GRIP2: variants seen among roughly 807,000 people sequenced by gnomAD.
The protein encoded by GRIP2 is glutamate receptor-interacting protein 2.
Under a neutral mutation model 108.3 loss-of-function variants are expected in GRIP2, and 58 were observed. The ratio of observed to expected loss-of-function variants is 0.54; its 90% CI spans 0.43 to 0.67. The LOEUF is 0.67. GRIP2 is among the 30% of genes least tolerant of loss of function. The pLI is 0.00. For synonymous variants in GRIP2, 586 were observed against 598.2 expected (o/e 0.98, Z 0.30); for missense variants, 1,278 against 1,430.6 (o/e 0.89, Z 1.72).
chr3:14,521,389 T>C lies in GRIP2; in HGVS notation c.712+253A>G. 2.1e-6 allele frequency: 1 copy of C among 481,242 alleles called. No homozygotes were observed. The highest frequency in any genetic ancestry group is 3.6e-6 in the Non-Finnish European group (1 of 274,802). 29.8% of individuals were successfully genotyped at this position (481,242 alleles called of 1,614,324 possible). A position where few individuals can be genotyped will look rare whatever the true frequency, so the allele number is the denominator to read the frequency against. ...GACATACACCATATCTTATCTATTC[T>C]GGATACTGTCCTCTCTCCACCAGAA... is the stretch of plus-strand genomic sequence containing the variant. On this transcript the variant is annotated intron_variant, in intron 7 of 23. Transcript: ENST00000621039. The surrounding 1 kb of genome is among the most constrained non-coding windows in gnomAD (Gnocchi z 5.1).
At chr3:14,557,269 A>G (rs563928911), upstream of GRIP2, among the ~76,000 whole-genome samples, 183 of 152,382 alleles carry the variant, frequency 1.2e-3, no homozygotes, top group African/African-American at 4.3e-3. Context: ...TGAATTACAC[A>G]GCGAGGAAGT....
At position 14,506,489 on chromosome 3, in the gene GRIP2, T is replaced by C. The variant is rs371778272; in HGVS notation, c.2398+312A>G. On this transcript the variant is annotated intron_variant, in intron 19 of 23. Transcript: ENST00000621039. ...ACCTACTGTGTGCCAGACATTGGGC[T>C]AGGAAGGAAGGCTACAGTAGAAGAA... 3.3e-5 allele frequency among the ~76,000 whole-genome samples: 5 copies of C among 152,174 alleles called. No individual in the cohort carries two copies. In the East Asian group the frequency reaches 9.7e-4, roughly 29 times the overall value.
chr3:14,517,494 CTTTTTTTTTT>C (rs146509076), intron 10 of GRIP2, among the ~76,000 whole-genome samples: 5 of 107,754 alleles, frequency 4.6e-5, no homozygotes, highest in Non-Finnish European at 9.0e-5. Flanking sequence ...ATCTCTCTCT[CTTTTTTTTTT>C]TTTTTTTTTT....
the GRIP2 span, among the ~76,000 whole-genome samples, chr3:14,593,938 C>A: frequency 2.6e-5 from 4 of 152,368 alleles, no homozygotes; most frequent in East Asian, 5.8e-4. Context: ...ATTTGCATGA[C>A]CCTGATGGTG....
Position 14,505,104 on chromosome 3 carries a change from G to T in GRIP2, c.2573+511C>A, listed in dbSNP as rs924424078. On this transcript the variant is annotated intron_variant, in intron 20 of 23. Coordinates refer to ENST00000621039, the MANE Select transcript of GRIP2 (RefSeq NM_001080423.4). The surrounding 1 kb of genome is among the most constrained non-coding windows in gnomAD (Gnocchi z 4.2). ...TTTGCCAGGAGAGACCAGGGGAAAG[G>T]CATCGAGGCAGAAGGAACCGCCTGA... Among the ~76,000 whole-genome samples, 1 of 152,156 alleles carries T rather than the reference G, an allele frequency of 6.6e-6. No individual in the cohort carries two copies. Among genetic ancestry groups the T allele is most frequent in the African/African-American group, 2.4e-5 (1 of 41,444 alleles).
rs989271724 is a variant in GRIP2, at chr3:14,489,866, C to A, written c.*3799G>T. 3 of 152,086 alleles carry A rather than the reference C, an allele frequency of 2.0e-5. No homozygotes were observed. The highest frequency in any genetic ancestry group is 2.9e-5 in the Non-Finnish European group (2 of 68,036). The allele number at this position is 152,086 out of a possible 1,614,324, so 9.4% of individuals were successfully genotyped here. ...CAAACCTGATTGCCCTTCTCCCACT[C>A]CCCCACCGTCAGGTGCAGGCGCTCA... On this transcript the variant is annotated 3_prime_UTR_variant, in exon 24 of 24. Coordinates refer to ENST00000621039, the MANE Select transcript of GRIP2 (RefSeq NM_001080423.4).
the GRIP2 span, chr3:14,573,125 C>T: frequency 7.0e-7 from 1 of 1,434,522 alleles, no homozygotes; most frequent in Non-Finnish European, 9.8e-7. Flanking sequence ...CGATCCAGGG[C>T]AGCAGCCCAA....
intron 23 of GRIP2, among the ~76,000 whole-genome samples, chr3:14,494,054 A>G (rs1353999724): frequency 6.6e-6 from 1 of 152,222 alleles, no homozygotes; most frequent in Non-Finnish European, 1.5e-5. Context: ...TATACCTTTC[A>G]TACCCCTCTA....
chr3:14,530,849 C>T (rs1694691914), intron 1 of GRIP2: 1 of 152,182 alleles, frequency 6.6e-6, no homozygotes, highest in Admixed American at 6.5e-5. Context: ...AAGCATTTAT[C>T]CTTTGTGTTA....
intron 1 of GRIP2, among the ~76,000 whole-genome samples, chr3:14,538,568 T>TCC (rs918561191): frequency 3.3e-5 from 5 of 152,160 alleles, no homozygotes; most frequent in African/African-American, 1.2e-4. Flanking sequence ...TGCCTGAAGC[T>TCC]CCATCTTTAC....
At position 14,529,095 on chromosome 3, in the gene GRIP2, C is replaced by A. The variant is rs559255940; in HGVS notation, c.41-3164G>T. Reference sequence around the variant, plus strand: ...ACCATCCTGGCTAACACAGTGAAACCCTATCTCTACTAAAAATACAAAAAA... The same window carrying A: ...ACCATCCTGGCTAACACAGTGAAACACTATCTCTACTAAAAATACAAAAAA... On this transcript the variant is annotated intron_variant, in intron 1 of 23. Transcript: ENST00000621039. 2.0e-5 allele frequency among the ~76,000 whole-genome samples: 3 copies of A among 148,904 alleles called. No individual in the cohort carries two copies. In the South Asian group the frequency reaches 6.6e-4, roughly 33 times the overall value.
At chr3:14,539,976 C>T (rs1694922850) in intron 1 of GRIP2, among the ~76,000 whole-genome samples, 1 of 152,158 alleles carries the variant, frequency 6.6e-6, no homozygotes, top group African/African-American at 2.4e-5. Flanking sequence ...CAGATAGGAC[C>T]AGCCTTCCCC....
Position 14,509,930 on chromosome 3 carries a change from T to A in GRIP2, c.1968A>T (p.Thr656=). 6.5e-7 allele frequency: 1 copy of A among 1,549,106 alleles called. No homozygotes were observed. Among genetic ancestry groups the A allele is most frequent in the Non-Finnish European group, 8.7e-7 (1 of 1,146,096 alleles). ...ELETTGAVSY[T]VELKRYGGPL... ...GACCCCCGTAGCGCTTCAGCTCCAC[T>A]GTGTAACTGACGGCACCTGTGGTCT... The change falls in exon 17 of 24, where the codon ACA becomes ACT. Residue 656 remains threonine, a synonymous_variant. Coordinates refer to ENST00000621039, the MANE Select transcript of GRIP2 (RefSeq NM_001080423.4).
Position 14,511,327 on chromosome 3 carries a change from C to T in GRIP2, c.1788-17G>A, listed in dbSNP as rs369541987. ...GTGCCCGTCCTGCATGAGTCGGGGG[C>T]AGAGGGGATGGAAGGAGCCTGGTGC... On this transcript the variant is annotated splice_polypyrimidine_tract_variant and intron_variant, in intron 15 of 23. Coordinates refer to ENST00000621039, the MANE Select transcript of GRIP2 (RefSeq NM_001080423.4). The surrounding 1 kb of genome is among the most constrained non-coding windows in gnomAD (Gnocchi z 4.1). 1.4e-4 allele frequency: 223 copies of T among 1,613,960 alleles called. 2 individuals are homozygous for T. In the Middle Eastern group the frequency reaches 4.6e-3, roughly 33 times the overall value.
the GRIP2 span, among the ~76,000 whole-genome samples, chr3:14,567,748 C>A: frequency 6.6e-6 from 1 of 152,220 alleles, no homozygotes; most frequent in African/African-American, 2.4e-5. Context: ...CTGGGCAGCT[C>A]TTATGCTCCA....
rs1478543496 is a variant in GRIP2, at chr3:14,512,883, C to A, written c.1640-26G>T. On this transcript the variant is annotated intron_variant, in intron 13 of 23. Coordinates refer to ENST00000621039, the MANE Select transcript of GRIP2 (RefSeq NM_001080423.4). This position sits in a 1 kb window ranked among gnomAD's most constrained non-coding sequence, Gnocchi z 5.1. ...CTGGGGGTAGATGGACATAAACCGACGTGAGGACCCAGAGGAGGAGCCTCA... is the reference window on the plus strand; with the variant it reads ...CTGGGGGTAGATGGACATAAACCGAAGTGAGGACCCAGAGGAGGAGCCTCA... 1.9e-6 allele frequency: 3 copies of A among 1,608,840 alleles called. No homozygotes were observed. Among genetic ancestry groups the A allele is most frequent in the Non-Finnish European group, 2.6e-6 (3 of 1,175,510 alleles).
the GRIP2 span, among the ~76,000 whole-genome samples, chr3:14,587,597 C>T: frequency 8.0e-5 from 12 of 150,686 alleles, no homozygotes; most frequent in African/African-American, 1.2e-4. Flanking sequence ...TGAGATCATG[C>T]CACTGCACTC....
chr3:14,517,494 CTTTTTTTTTTT>C (rs146509076), intron 10 of GRIP2, among the ~76,000 whole-genome samples: 2 of 107,754 alleles, frequency 1.9e-5, no homozygotes, highest in African/African-American at 7.6e-5. Flanking sequence ...ATCTCTCTCT[CTTTTTTTTTTT>C]TTTTTTTTTT....
intron 1 of GRIP2, among the ~76,000 whole-genome samples, chr3:14,527,828 G>A (rs866769314): frequency 3.9e-5 from 6 of 152,198 alleles, no homozygotes; most frequent in Middle Eastern, 3.4e-3. Flanking sequence ...CCCAGGAGGC[G>A]GAGGTTGCAG....
Sources: gnomAD v4.1 joint callset for allele counts (sites outside exome capture counted in the v4.1 genomes callset) on GRCh38, gnomAD v4.1.1 for gene constraint, Gnocchi (gnomAD v3.1) non-coding constraint, MANE v1.5 for transcripts, NCBI Gene and HGNC (gene_info 2026-07-23, HGNC 2026-07-21) for gene names.